The following NFIB variants were observed in gnomAD, a reference collection of about 807,000 sequenced individuals.
The protein encoded by NFIB is nuclear factor I B.
NFIB carries 11 observed loss-of-function variants against 61.5 expected under a neutral mutation model. That is an observed-to-expected ratio of 0.18 (90% confidence interval 0.11 to 0.30). The LOEUF (loss-of-function observed/expected upper bound fraction) is 0.30. NFIB is among the 10% of genes least tolerant of loss of function. The probability of loss-of-function intolerance (pLI) is 1.00; values close to 1 mark genes in which losing one functional copy is unlikely to be tolerated. For missense variants in NFIB, 471 were observed against 608.9 expected (o/e 0.77, Z 2.38); for synonymous variants, 260 against 216.5 (o/e 1.20, Z -1.76).
At chr9:14,145,263 G>C (rs1002904541) in intron 6 of NFIB, among the ~76,000 whole-genome samples, 4 of 151,888 alleles carry the variant, frequency 2.6e-5, no homozygotes, top group Admixed American at 2.0e-4. Flanking sequence ...TCTCAAATTT[G>C]CCTCCCCACC....
chr9:14,349,728 CGCTTTAACAGCGAGGACT>C (rs1365837204), intron 1 of NFIB, among the ~76,000 whole-genome samples: 1 of 152,082 alleles, frequency 6.6e-6, no homozygotes, highest in Non-Finnish European at 1.5e-5. Context: ...TTAGGATACT[CGCTTTAACAGCGAGGACT>C]GATGGGCTAT....
chr9:14,489,539 G>A, the NFIB span, among the ~76,000 whole-genome samples: 1 of 151,960 alleles, frequency 6.6e-6, no homozygotes, highest in African/African-American at 2.4e-5. Context: ...GGTAATGCAT[G>A]CAAGTGTTAA....
In NFIB at chr9:14,208,046, A is replaced by G. The variant is rs145919990; in HGVS notation, c.563-28266T>C. 8.5e-5 allele frequency among the ~76,000 whole-genome samples: 13 copies of G among 152,304 alleles called. No individual in the cohort carries two copies. The East Asian group carries it at 2.1e-3, about 25-fold the overall frequency. On this transcript the variant is annotated intron_variant, in intron 2 of 10. Coordinates refer to ENST00000380953, the MANE Select transcript of NFIB (RefSeq NM_001190737.2). ...CTTGAAAAGATGACAAGCTGCACAC[A>G]ATGTTCAAAATCTAAATTCAAAGGT...
intron 1 of NFIB, among the ~76,000 whole-genome samples, chr9:14,312,124 A>T (rs1229181834): frequency 3.4e-4 from 52 of 152,240 alleles, no homozygotes; most frequent in Non-Finnish European, 1.3e-4. Context: ...GATGCCAAAC[A>T]AAATATAAAC....
chr9:14,123,165 G>A lies in NFIB; in HGVS notation c.1060+2467C>T, dbSNP rs570152132. Among the ~76,000 whole-genome samples, 18 of 151,388 alleles carry A rather than the reference G, an allele frequency of 1.2e-4. No individual in the cohort carries two copies. The South Asian group carries it at 3.6e-3, about 30-fold the overall frequency. On this transcript the variant is annotated intron_variant, in intron 7 of 10. Coordinates refer to ENST00000380953, the MANE Select transcript of NFIB (RefSeq NM_001190737.2). ...CCAGTTACTCGGGAGGCTGAGGCAG[G>A]AGAATTGCTTGAACCTGGGAGGCAG...
At chr9:14,244,645 C>A (rs1477163099) in intron 2 of NFIB, among the ~76,000 whole-genome samples, 1 of 152,126 alleles carries the variant, frequency 6.6e-6, no homozygotes, top group Non-Finnish European at 1.5e-5. Context: ...ACTTATTAGC[C>A]GTTGGCCTTA....
the NFIB span, among the ~76,000 whole-genome samples, chr9:14,452,330 A>C: frequency 6.6e-6 from 1 of 152,030 alleles, no homozygotes; most frequent in Admixed American, 6.6e-5. Flanking sequence ...AATAAAAGAA[A>C]GAAAAAAGAA....
chr9:14,487,430 T>C, the NFIB span, among the ~76,000 whole-genome samples: 1 of 152,202 alleles, frequency 6.6e-6, no homozygotes, highest in Non-Finnish European at 1.5e-5. Flanking sequence ...CCATTAGAAT[T>C]TAAGGTCTTT....
chr9:14,483,142 G>C, the NFIB span, among the ~76,000 whole-genome samples: 2 of 152,122 alleles, frequency 1.3e-5, no homozygotes, highest in African/African-American at 4.8e-5. Flanking sequence ...AAAAGAAACA[G>C]AACTGTATGT....
chr9:14,168,330 G>A (rs2045159473), intron 3 of NFIB, among the ~76,000 whole-genome samples: 1 of 152,160 alleles, frequency 6.6e-6, no homozygotes, highest in Non-Finnish European at 1.5e-5. Flanking sequence ...TCATTAAGGG[G>A]AGTAGATGCG....
At chr9:14,114,841 T>G (rs920152241) in intron 9 of NFIB, among the ~76,000 whole-genome samples, 2 of 152,360 alleles carry the variant, frequency 1.3e-5, no homozygotes, top group Admixed American at 6.5e-5. Context: ...AAAAAATCTT[T>G]GTTTTCTGTG....
chr9:14,345,719 T>A (rs1181739731), intron 1 of NFIB, among the ~76,000 whole-genome samples: 1 of 152,114 alleles, frequency 6.6e-6, no homozygotes, highest in Non-Finnish European at 1.5e-5. Context: ...AAAAGCCCAG[T>A]GTGTCAACCG....
intron 2 of NFIB, among the ~76,000 whole-genome samples, chr9:14,259,381 A>C (rs2056531530): frequency 6.6e-6 from 1 of 152,238 alleles, no homozygotes; most frequent in Non-Finnish European, 1.5e-5. Flanking sequence ...ATCTTTCATA[A>C]ATGTCAAAGA....
At chr9:14,378,052 G>A (rs925557881) in intron 1 of NFIB, among the ~76,000 whole-genome samples, 1 of 152,124 alleles carries the variant, frequency 6.6e-6, no homozygotes, top group Non-Finnish European at 1.5e-5. Context: ...TTACAAAGGT[G>A]CTCCACACCA....
chr9:14,176,788 G>C (rs1417609288), intron 3 of NFIB, among the ~76,000 whole-genome samples: 1 of 152,110 alleles, frequency 6.6e-6, no homozygotes, highest in Non-Finnish European at 1.5e-5. Context: ...TGATGCTGGA[G>C]AAAAGCCAAG....
At chr9:14,119,856 T>C (rs2119142538) in intron 8 of NFIB, among the ~76,000 whole-genome samples, 1 of 152,242 alleles carries the variant, frequency 6.6e-6, no homozygotes, top group South Asian at 2.1e-4. Context: ...TCACTACACT[T>C]ACAAAATGAA....
chr9:14,457,588 T>TTG, the NFIB span, among the ~76,000 whole-genome samples: 1 of 149,966 alleles, frequency 6.7e-6, no homozygotes, highest in Non-Finnish European at 1.5e-5. Flanking sequence ...GTTTTTTTTT[T>TTG]GAAAAGATCA....
intron 2 of NFIB, among the ~76,000 whole-genome samples, chr9:14,231,758 G>C (rs911117059): frequency 6.6e-6 from 1 of 152,142 alleles, no homozygotes; most frequent in African/African-American, 2.4e-5. Context: ...CAAGAGAACT[G>C]CATAACATGT....
At chr9:14,144,429 A>G (rs1368292141) in intron 6 of NFIB, among the ~76,000 whole-genome samples, 3 of 152,210 alleles carry the variant, frequency 2.0e-5, no homozygotes, top group Non-Finnish European at 2.9e-5. Flanking sequence ...AACAAGCAAT[A>G]AAATATAAAG....
Sources: allele counts gnomAD v4.1 joint callset (sites outside exome capture counted in the v4.1 genomes callset), GRCh38; gene constraint gnomAD v4.1.1; transcripts MANE v1.5; gene names NCBI Gene and HGNC (gene_info 2026-07-23, HGNC 2026-07-21).